NCKAP5: variants seen among roughly 807,000 people sequenced by gnomAD.
NCKAP5 encodes the protein nck-associated protein 5.
A neutral mutation model predicts 167.0 loss-of-function variants in NCKAP5; 92 were observed. The observed-to-expected ratio is 0.55, with a 90% confidence interval of 0.47 to 0.66. NCKAP5 has a LOEUF of 0.66. Ranked by LOEUF, NCKAP5 falls within the 30% of genes least tolerant of loss-of-function variation. The pLI, the probability that NCKAP5 is intolerant of heterozygous loss-of-function variation, is 0.00. For synonymous variants in NCKAP5, 891 were observed against 877.4 expected (o/e 1.02, Z -0.27); for missense variants, 2,378 against 2,315.0 (o/e 1.03, Z -0.56).
chr2:132,867,588 A>C (rs535525851), intron 10 of NCKAP5, among the ~76,000 whole-genome samples: 1 of 152,098 alleles, frequency 6.6e-6, no homozygotes, highest in Non-Finnish European at 1.5e-5. Context: ...TATCATCTTC[A>C]TATTCCTCAG....
chr2:132,900,874 C>T (rs370930166), intron 8 of NCKAP5, among the ~76,000 whole-genome samples: 3 of 149,826 alleles, frequency 2.0e-5, no homozygotes, highest in East Asian at 2.0e-4. Flanking sequence ...TCAGGAGAAT[C>T]GCGTGAACCC....
the NCKAP5 span, among the ~76,000 whole-genome samples, chr2:133,615,375 A>G: frequency 2.0e-5 from 3 of 151,906 alleles, no homozygotes; most frequent in Non-Finnish European, 2.9e-5. Flanking sequence ...AAGAGTCAAG[A>G]CCCATCAGTG....
At chr2:133,473,699 A>G (rs1206879339) in intron 3 of NCKAP5, among the ~76,000 whole-genome samples, 1 of 152,200 alleles carries the variant, frequency 6.6e-6, no homozygotes, top group East Asian at 1.9e-4. Context: ...GCTATTCTAA[A>G]ATTACCAACT....
At chr2:133,194,974 A>G (rs2085376482) in intron 5 of NCKAP5, among the ~76,000 whole-genome samples, 1 of 152,014 alleles carries the variant, frequency 6.6e-6, no homozygotes, top group Admixed American at 6.6e-5. Context: ...CAGAACTTCT[A>G]ATGTAATTAC....
chr2:133,575,799 A>G, the NCKAP5 span, among the ~76,000 whole-genome samples: 5 of 152,202 alleles, frequency 3.3e-5, no homozygotes, highest in Non-Finnish European at 7.3e-5. Context: ...ATTAAAGTAC[A>G]TTCTTCTTTC....
At chr2:133,562,866 C>G (rs1688265178) in intron 1 of NCKAP5, among the ~76,000 whole-genome samples, 1 of 152,106 alleles carries the variant, frequency 6.6e-6, no homozygotes, top group Non-Finnish European at 1.5e-5. Flanking sequence ...TGTATTGGGG[C>G]ATTGTAAATG....
chr2:132,741,954 T>C (rs1679237382), intron 16 of NCKAP5, among the ~76,000 whole-genome samples: 1 of 152,114 alleles, frequency 6.6e-6, no homozygotes, highest in South Asian at 2.1e-4. Flanking sequence ...ACAAATGCTC[T>C]TTACGCATTC....
intron 8 of NCKAP5, among the ~76,000 whole-genome samples, chr2:132,899,264 C>T (rs1276449244): frequency 6.6e-6 from 1 of 152,246 alleles, no homozygotes; most frequent in African/African-American, 2.4e-5. Flanking sequence ...TCTTCTGCAA[C>T]TTCCTAACCT....
At chr2:133,012,763 T>C (rs571128396) in intron 6 of NCKAP5, among the ~76,000 whole-genome samples, 1 of 152,290 alleles carries the variant, frequency 6.6e-6, no homozygotes, top group East Asian at 1.9e-4. Context: ...CTCAGTCTTC[T>C]GTTTGCCCTA....
chr2:133,498,279 G>T (rs924369049), intron 3 of NCKAP5, among the ~76,000 whole-genome samples: 2 of 152,086 alleles, frequency 1.3e-5, no homozygotes, highest in Non-Finnish European at 2.9e-5. Context: ...AGGCTGGGGA[G>T]GGGACCCAGA....
chr2:133,242,258 T>C (rs1283068692), intron 4 of NCKAP5, among the ~76,000 whole-genome samples: 1 of 144,284 alleles, frequency 6.9e-6, no homozygotes, highest in Non-Finnish European at 1.5e-5. Context: ...TCTTTTCTTT[T>C]CTTTTTTTTT....
At chr2:132,763,283 C>A (rs962711684) in intron 16 of NCKAP5, among the ~76,000 whole-genome samples, 41 of 152,192 alleles carry the variant, frequency 2.7e-4, no homozygotes, top group African/African-American at 8.7e-4. Flanking sequence ...CTGGTCCCAT[C>A]CTACAAATCC....
intron 11 of NCKAP5, among the ~76,000 whole-genome samples, chr2:132,851,825 C>A (rs1330798483): frequency 2.6e-5 from 4 of 152,210 alleles, no homozygotes; most frequent in African/African-American, 9.6e-5. Flanking sequence ...TGTTTCAGGG[C>A]AGCTCTTAGA....
intron 8 of NCKAP5, among the ~76,000 whole-genome samples, chr2:132,905,286 A>C (rs1298366963): frequency 6.6e-6 from 1 of 152,166 alleles, no homozygotes; most frequent in Non-Finnish European, 1.5e-5. Context: ...TGCAAGACTT[A>C]TGGCAGCATG....
At position 132,725,719 on chromosome 2, in the gene NCKAP5, C is replaced by T; in HGVS notation, c.5621G>A (p.Gly1874Asp). 6.2e-7 allele frequency: 1 copy of T among 1,613,596 alleles called. No individual in the cohort carries two copies. Among genetic ancestry groups the T allele is most frequent in the Non-Finnish European group, 8.5e-7 (1 of 1,179,760 alleles). Residue 1874 changes from glycine to aspartate, a missense_variant, in exon 19 of 20, where the codon GGC (glycine) becomes GAC (aspartate). Around this residue, in one of 3 missense-constraint regions of NCKAP5, gnomAD observed 1,325 missense variants for 1,274.5 expected, o/e 1.04. Transcript: ENST00000409261. ...GTCCAGGTCACTGTCACTATTACTG[C>T]CACCGCTGGCAGAGTACGTACACAT... Reference protein sequence around the residue: ...PRMCTYSASGGSNSDSDLDYG... With the variant: ...PRMCTYSASGDSNSDSDLDYG...
chr2:133,097,590 G>A (rs1022055735), intron 6 of NCKAP5, among the ~76,000 whole-genome samples: 1 of 152,154 alleles, frequency 6.6e-6, no homozygotes, highest in African/African-American at 2.4e-5. Flanking sequence ...AAGAAAGAAA[G>A]GAAAATGCAA....
At chr2:132,740,881 A>T (rs1558995056) in intron 16 of NCKAP5, among the ~76,000 whole-genome samples, 2 of 152,106 alleles carry the variant, frequency 1.3e-5, no homozygotes, top group Non-Finnish European at 2.9e-5. Flanking sequence ...TGGACCATGA[A>T]ATTCCTTAGT....
chr2:133,064,853 A>T (rs927330609), intron 6 of NCKAP5, among the ~76,000 whole-genome samples: 1 of 152,176 alleles, frequency 6.6e-6, no homozygotes, highest in Non-Finnish European at 1.5e-5. Context: ...TTGTTTTTTC[A>T]TTTAAAATTC....
intron 3 of NCKAP5, among the ~76,000 whole-genome samples, chr2:133,346,390 A>C (rs1451439179): frequency 2.6e-5 from 4 of 152,166 alleles, no homozygotes; most frequent in Non-Finnish European, 4.4e-5. Flanking sequence ...TTTTCAGAGG[A>C]TGAGAGGGGA....
Sources: gnomAD v4.1 joint callset for allele counts (sites outside exome capture counted in the v4.1 genomes callset) on GRCh38, gnomAD v4.1.1 for gene constraint, gnomAD v4.1.1 regional missense constraint, MANE v1.5 for transcripts, NCBI Gene and HGNC (gene_info 2026-07-23, HGNC 2026-07-21) for gene names.